The following ZNF248 variants were observed in gnomAD, a reference collection of about 807,000 sequenced individuals.
ZNF248 encodes KRAB protein domain.
Under a neutral mutation model 44.3 loss-of-function variants are expected in ZNF248, and 20 were observed. The observed-to-expected ratio is 0.45, with a 90% CI of 0.32 to 0.66. The LOEUF (loss-of-function observed/expected upper bound fraction) is 0.66, where lower values mean the gene tolerates loss of function less well. ZNF248 is among the 30% of genes least tolerant of loss of function. ZNF248 has a pLI of 0.04. For synonymous variants in ZNF248, 224 were observed against 229.0 expected, an observed-to-expected ratio of 0.98 and a Z score of 0.20; for missense variants, 654 against 677.0, an observed-to-expected ratio of 0.97 and a Z score of 0.38.
rs1024174110 is a variant in ZNF248 at position 37,828,901 on chromosome 10, T to C, written c.*2714A>G. ...CTTCACACATGTTGAAGGAGAGACA[T>C]ACCTGTGTAGTTCCAAAGGGAGTTT... On this transcript the variant is annotated 3_prime_UTR_variant, in exon 6 of 6. Coordinates refer to ENST00000395867, the MANE Select transcript of ZNF248 (RefSeq NM_021045.3). 2 of 985,304 alleles carry C rather than the reference T, an allele frequency of 2.0e-6. No homozygotes were observed. Among genetic ancestry groups the C allele is most frequent in the Admixed American group, 6.1e-5 (1 of 16,266 alleles). 61.0% of individuals were successfully genotyped at this position (985,304 alleles called of 1,614,324 possible).
intron 6 of ZNF248, among the ~76,000 whole-genome samples, chr10:37,815,984 G>A (rs1164479635): frequency 3.3e-5 from 4 of 119,596 alleles, no homozygotes; most frequent in Admixed American, 9.4e-5. Flanking sequence ...TTCTGGTTCC[G>A]ATAATGGAAA....
At chr10:37,772,832 G>A (rs534554962), downstream of ZNF248, among the ~76,000 whole-genome samples, 5 of 152,140 alleles carry the variant, frequency 3.3e-5, no homozygotes, top group Admixed American at 6.5e-5. Context: ...AAGTAACAGC[G>A]TTCCACATTT....
the ZNF248 span, among the ~76,000 whole-genome samples, chr10:37,760,241 GT>G: frequency 7.3e-5 from 11 of 151,650 alleles, no homozygotes; most frequent in Non-Finnish European, 1.5e-4. Flanking sequence ...GTTTTGTTTT[GT>G]TTTTGAAAGA....
chr10:37,853,080 G>A (rs543292454), intron 3 of ZNF248, among the ~76,000 whole-genome samples: 7 of 152,168 alleles, frequency 4.6e-5, no homozygotes, highest in East Asian at 3.9e-4. Flanking sequence ...TCTTGACCTC[G>A]TGATCTGCCC....
chr10:37,809,742 T>A (rs558457824), intron 6 of ZNF248, among the ~76,000 whole-genome samples: 8 of 152,346 alleles, frequency 5.3e-5, no homozygotes, highest in African/African-American at 1.9e-4. Context: ...TTTTCAGTCA[T>A]CTCTAAGTAT....
chr10:37,793,074 C>T (rs2048746399), intron 6 of ZNF248, among the ~76,000 whole-genome samples: 4 of 152,130 alleles, frequency 2.6e-5, no homozygotes, highest in Non-Finnish European at 5.9e-5. Context: ...TGGCTCACAC[C>T]TGTAATCCCA....
chr10:37,846,007 T>C (rs200936), intron 3 of ZNF248, among the ~76,000 whole-genome samples: 72,580 of 152,008 alleles, frequency 0.48, 17,675 homozygotes, highest in East Asian at 0.55. Context: ...CAATGTATAA[T>C]CTTCATGTAC....
At chr10:37,823,840 C>T (rs2053907030), downstream of ZNF248, among the ~76,000 whole-genome samples, 1 of 151,968 alleles carries the variant, frequency 6.6e-6, no homozygotes, top group Non-Finnish European at 1.5e-5. Flanking sequence ...TCCCAAATTG[C>T]TAGGATTACA....
At chr10:37,784,646 T>C (rs2132951822) in intron 6 of ZNF248, among the ~76,000 whole-genome samples, 1 of 152,324 alleles carries the variant, frequency 6.6e-6, no homozygotes, top group South Asian at 2.1e-4. Flanking sequence ...GTTCACTTTG[T>C]TCTAGACTAG....
chr10:37,776,760 C>A (rs2132786981), intron 6 of ZNF248, among the ~76,000 whole-genome samples: 1 of 152,214 alleles, frequency 6.6e-6, no homozygotes, highest in Admixed American at 6.5e-5. Context: ...GAATACATGA[C>A]TACAAGGTGA....
downstream of ZNF248, among the ~76,000 whole-genome samples, chr10:37,825,739 C>A (rs918541098): frequency 4.6e-5 from 7 of 152,100 alleles, no homozygotes; most frequent in Admixed American, 1.3e-4. Flanking sequence ...CCCCACCCAG[C>A]CGTCACATTT....
rs1013838916 is a variant in ZNF248 at position 37,830,587 on chromosome 10, G to T, written c.*1028C>A. ...ATAGAAGGGGTATGTGGTTTGTATT[G>T]CCAAATACGTTTTCATATATACACA... On this transcript the variant is annotated 3_prime_UTR_variant, in exon 6 of 6. Transcript: ENST00000395867. 1.0e-5 allele frequency: 10 copies of T among 985,150 alleles called. No homozygotes were observed. In the African/African-American group the frequency reaches 1.7e-4, roughly 17 times the overall value. The allele number at this position is 985,150 out of a possible 1,614,324, so 61.0% of individuals were successfully genotyped here. A position where few individuals can be genotyped will look rare whatever the true frequency, so the allele number is the denominator to read the frequency against.
the ZNF248 span, among the ~76,000 whole-genome samples, chr10:37,759,416 T>TG: frequency 6.6e-6 from 1 of 152,144 alleles, no homozygotes; most frequent in African/African-American, 2.4e-5. Flanking sequence ...TCAGGAAGTA[T>TG]GCTAAGTTAC....
chr10:37,769,420 C>T, the ZNF248 span, among the ~76,000 whole-genome samples: 3 of 152,150 alleles, frequency 2.0e-5, no homozygotes. Flanking sequence ...AAAGCTTATC[C>T]ACCATGATCA....
chr10:37,761,925 G>T, the ZNF248 span, among the ~76,000 whole-genome samples: 1 of 152,136 alleles, frequency 6.6e-6, no homozygotes, highest in Middle Eastern at 3.2e-3. Flanking sequence ...TCCCAGTTTT[G>T]TGTTCTGCTA....
At chr10:37,856,383 T>C in intron 2 of ZNF248, 46 bp from the exon 3 acceptor site, 1 of 1,606,346 alleles carries the variant, frequency 6.2e-7, no homozygotes, top group Non-Finnish European at 8.5e-7. Flanking sequence ...TTCGCCGGCC[T>C]TGCAGTTCGG....
chr10:37,846,315 T>C (rs916225011), intron 3 of ZNF248, among the ~76,000 whole-genome samples: 2 of 152,126 alleles, frequency 1.3e-5, no homozygotes, highest in African/African-American at 4.8e-5. Context: ...ATTTAGACAA[T>C]AATCAATGAC....
At chr10:37,852,711 T>TGTAATATATGTATTTATATAC (rs1564680470) in intron 3 of ZNF248, among the ~76,000 whole-genome samples, 1 of 148,870 alleles carries the variant, frequency 6.7e-6, no homozygotes, top group Non-Finnish European at 1.5e-5. Context: ...TATTTATATA[T>TGTAATATATGTATTTATATAC]GTAATATATG....
chr10:37,819,699 T>C (rs2053143710), intron 6 of ZNF248: 1 of 786,372 alleles, frequency 1.3e-6, no homozygotes, highest in Non-Finnish European at 2.4e-6. Flanking sequence ...AGTTTGAAGA[T>C]TTCTTCTTGT....
Sources: allele counts gnomAD v4.1 joint callset (sites outside exome capture counted in the v4.1 genomes callset), GRCh38; gene constraint gnomAD v4.1.1; transcripts MANE v1.5; gene names NCBI Gene and HGNC (gene_info 2026-07-23, HGNC 2026-07-21).